Variants in MICA observed in about 807,000 individuals in gnomAD.
MICA encodes the protein HLA class I antigen.
Under a neutral mutation model 34.3 loss-of-function variants are expected in MICA, and 18 were observed. The observed-to-expected ratio is 0.52, with a 90% CI of 0.36 to 0.78. The LOEUF (loss-of-function observed/expected upper bound fraction) is 0.78. Ranked by LOEUF, MICA falls within the 30% of genes least tolerant of loss-of-function variation. MICA has a pLI of 0.00. For synonymous variants in MICA, 135 were observed against 156.9 expected (o/e 0.86, Z 1.04); for missense variants, 333 against 409.4 (o/e 0.81, Z 1.61).
At chr6:31,408,394 T>C (rs1770859691) in intron 1 of MICA, among the ~76,000 whole-genome samples, 1 of 152,002 alleles carries the variant, frequency 6.6e-6, no homozygotes. Flanking sequence ...TCCTCCTCTA[T>C]TTTTCAGAAC....
chr6:31,407,706 C>A (rs1770824843), intron 1 of MICA, among the ~76,000 whole-genome samples: 1 of 151,922 alleles, frequency 6.6e-6, no homozygotes, highest in African/African-American at 2.4e-5. Context: ...TTGTATCCTG[C>A]AACTTTACTG....
At chr6:31,404,176 G>A (rs749288494) in intron 1 of MICA, among the ~76,000 whole-genome samples, 1 of 151,670 alleles carries the variant, frequency 6.6e-6, no homozygotes, top group Non-Finnish European at 1.5e-5. Flanking sequence ...CCTGGAGTAG[G>A]GGCCCTCCTT....
intron 5 of MICA, among the ~76,000 whole-genome samples, chr6:31,412,669 ATCC>A (rs992107895): frequency 2.0e-5 from 3 of 151,980 alleles, no homozygotes; most frequent in African/African-American, 7.2e-5. Flanking sequence ...CAGCTGTGGC[ATCC>A]TCCTGCTGCA....
chr6:31,402,943 C>T (rs868335372), upstream of MICA, among the ~76,000 whole-genome samples: 2 of 151,426 alleles, frequency 1.3e-5, no homozygotes, highest in African/African-American at 4.9e-5. Flanking sequence ...AGACTTCAGA[C>T]ACTTAGAGGA....
intron 1 of MICA, among the ~76,000 whole-genome samples, chr6:31,410,290 G>A (rs1301233184): frequency 1.3e-5 from 2 of 151,900 alleles, no homozygotes; most frequent in Non-Finnish European, 2.9e-5. Context: ...TTCCCTTAGG[G>A]GGCTTGTGGC....
chr6:31,400,911 A>C (rs1222439168), upstream of MICA: 1 of 151,794 alleles, frequency 6.6e-6, no homozygotes. Flanking sequence ...AGGCCTGGGC[A>C]CTAAGAAACA....
chr6:31,405,785 T>C (rs1481501496), intron 1 of MICA, among the ~76,000 whole-genome samples: 1 of 151,926 alleles, frequency 6.6e-6, no homozygotes, highest in Admixed American at 6.6e-5. Context: ...TTTTAAATTT[T>C]GGCTGCCACA....
intron 1 of MICA, among the ~76,000 whole-genome samples, chr6:31,405,624 G>A (rs973449992): frequency 6.6e-6 from 1 of 151,526 alleles, no homozygotes; most frequent in African/African-American, 2.4e-5. Context: ...ATTGTTGACT[G>A]TACTCACCCT....
intron 1 of MICA, among the ~76,000 whole-genome samples, chr6:31,407,571 T>G (rs553894687): frequency 6.6e-6 from 1 of 152,118 alleles, no homozygotes; most frequent in South Asian, 2.1e-4. Context: ...GGAGAGGTCT[T>G]TCACTTCTTC....
chr6:31,404,337 C>T lies in MICA; in HGVS notation c.70+635C>T, dbSNP rs184848369. Among the ~76,000 whole-genome samples, 10 of 151,702 alleles carry T rather than the reference C, an allele frequency of 6.6e-5. No individual in the cohort carries two copies. The East Asian group carries it at 2.0e-3, about 30-fold the overall frequency. ...CAGCTCATTCTCCCCTCGCCTCTGG[C>T]TCCGAGGGTCCTCTCCTCTCTCTCA... is the stretch of plus-strand genomic sequence containing the variant. On this transcript the variant is annotated intron_variant, in intron 1 of 5. Transcript: ENST00000449934.
chr6:31,408,504 C>G (rs1770872549), intron 1 of MICA, among the ~76,000 whole-genome samples: 1 of 146,656 alleles, frequency 6.8e-6, no homozygotes, highest in Non-Finnish European at 1.5e-5. Context: ...TAAGTGTATA[C>G]TCGGTGGCAT....
chr6:31,408,024 G>C (rs1770838873), intron 1 of MICA, among the ~76,000 whole-genome samples: 1 of 151,746 alleles, frequency 6.6e-6, no homozygotes, highest in Non-Finnish European at 1.5e-5. Flanking sequence ...TCTGTTCCTT[G>C]TATACTTAGT....
chr6:31,411,386 T>C lies in MICA; in HGVS notation c.613+27T>C. 6.5e-7 allele frequency: 1 copy of C among 1,533,946 alleles called. No individual in the cohort carries two copies. Among genetic ancestry groups the C allele is most frequent in the Non-Finnish European group, 8.8e-7 (1 of 1,138,080 alleles). On this transcript the variant is annotated intron_variant, in intron 3 of 5. Coordinates refer to ENST00000449934, the MANE Select transcript of MICA (RefSeq NM_001177519.3). This position sits in a 1 kb window ranked among gnomAD's most constrained non-coding sequence, Gnocchi z 4.3. ...TACCGACGCTGGCCAGGGGCTCTCCTCTCCCTCCAATTCTGCTAGAGTTGC... is the reference window on the plus strand; with the variant it reads ...TACCGACGCTGGCCAGGGGCTCTCCCCTCCCTCCAATTCTGCTAGAGTTGC...
chr6:31,404,878 G>A lies in MICA; in HGVS notation c.70+1176G>A, dbSNP rs181139328. On this transcript the variant is annotated intron_variant, in intron 1 of 5. Coordinates refer to ENST00000449934, the MANE Select transcript of MICA (RefSeq NM_001177519.3). ...GAGGACCCCACCCTCCAGCCCACAGGTGCTGGACCATCCCTCCCTGGTCCC... is the reference window on the plus strand; with the variant it reads ...GAGGACCCCACCCTCCAGCCCACAGATGCTGGACCATCCCTCCCTGGTCCC... 3.3e-3 allele frequency among the ~76,000 whole-genome samples: 494 copies of A among 150,526 alleles called. 13 individuals carry two copies. In the East Asian group the frequency reaches 0.051, roughly 16 times the overall value.
upstream of MICA, among the ~76,000 whole-genome samples, chr6:31,401,522 G>A (rs1280685547): frequency 2.0e-5 from 3 of 151,656 alleles, no homozygotes; most frequent in Non-Finnish European, 2.9e-5. Context: ...ACAGCTGGGT[G>A]TGGTGGCACT....
At chr6:31,405,736 T>C (rs1770713424) in intron 1 of MICA, among the ~76,000 whole-genome samples, 1 of 151,848 alleles carries the variant, frequency 6.6e-6, no homozygotes, top group African/African-American at 2.4e-5. Context: ...CAGCCTCTGG[T>C]AATCATCATT....
At chr6:31,405,352 TCTCCCC>T (rs1178292875) in intron 1 of MICA, among the ~76,000 whole-genome samples, 1 of 150,958 alleles carries the variant, frequency 6.6e-6, no homozygotes, top group African/African-American at 2.5e-5. Context: ...AGGCTGAGAA[TCTCCCC>T]CTCTACCTTG....
rs752875849 is a variant in MICA at position 31,403,646 on chromosome 6, C to G, written c.14C>G (p.Pro5Arg). Residue 5 changes from proline (P) to arginine (R), a missense_variant, in exon 1 of 6, where the codon CCG (proline) becomes CGG (arginine). Coordinates refer to ENST00000449934, the MANE Select transcript of MICA (RefSeq NM_001177519.3). The surrounding 1 kb of genome is among the most constrained non-coding windows in gnomAD (Gnocchi z 4.7). ...GACGTCGGGGCCATGGGGCTGGGCC[C>G]GGTCTTTCTGCTTCTGGCTGGCATC... Reference protein sequence around the residue: MGLGPVFLLLAGIFP... With the variant: MGLGRVFLLLAGIFP... 2.0e-6 allele frequency: 3 copies of G among 1,529,074 alleles called. No homozygotes were observed. The highest frequency in any genetic ancestry group is 1.2e-5 in the South Asian group (1 of 82,304). 94.7% of individuals were successfully genotyped at this position (1,529,074 alleles called of 1,614,324 possible).
In MICA at chr6:31,412,202, A is replaced by G. The variant is rs1280204065; in HGVS notation, c.869A>G (p.His290Arg). 1.9e-6 allele frequency: 3 copies of G among 1,611,244 alleles called. No homozygotes were observed. The highest frequency in any genetic ancestry group is 3.4e-5 in the Admixed American group (2 of 59,384). ...TGCTACATGGAACACAGCGGGAATC[A>G]CAGCACTCACCCTGTGCCCTCTGGT... The part of the protein sequence containing the change: ...FTCYMEHSGN[H>R]STHPVPSGKV... The change falls in exon 4 of 6, where the codon CAC (histidine) becomes CGC (arginine). Residue 290 changes from histidine (H) to arginine (R), a missense_variant. By Grantham distance (29) the His-to-Arg change is conservative. Coordinates refer to ENST00000449934, the MANE Select transcript of MICA (RefSeq NM_001177519.3).
Sources: allele counts gnomAD v4.1 joint callset (sites outside exome capture counted in the v4.1 genomes callset), GRCh38; gene constraint gnomAD v4.1.1; non-coding constraint Gnocchi (gnomAD v3.1); transcripts MANE v1.5; gene names NCBI Gene and HGNC (gene_info 2026-07-23, HGNC 2026-07-21).